Variants in DESI2 observed in about 807,000 individuals in gnomAD.
DESI2 encodes deubiquitinase DESI2.
DESI2 carries 10 observed loss-of-function variants against 24.1 expected under a neutral mutation model. The ratio of observed to expected loss-of-function variants is 0.41; its 90% CI spans 0.26 to 0.70. The LOEUF (loss-of-function observed/expected upper bound fraction) is 0.70. Among genes scored for constraint, DESI2 ranks in the 30% least tolerant of loss-of-function variants. The pLI is 0.29. For missense variants in DESI2, 122 were observed against 234.9 expected (o/e 0.52, Z 3.14); for synonymous variants, 71 against 87.7 (o/e 0.81, Z 1.06).
chr1:244,670,011 C>T (rs1352889974), intron 1 of DESI2, among the ~76,000 whole-genome samples: 4 of 150,888 alleles, frequency 2.7e-5, no homozygotes, highest in South Asian at 2.1e-4. Flanking sequence ...GGCTGGAGTG[C>T]GATGGCACAA....
Position 244,686,620 on chromosome 1 carries a change from A to G in DESI2, c.66A>G (p.Ser22=). ...AGTATTGGATGAACGAATATACCTC[A>G]TCCATTGGAATTGGAGTTTTTCATT... ...YDMYWMNEYT[S]SIGIGVFHSG... is the part of the protein sequence containing the mutation. Residue 22 remains serine, a synonymous_variant, in exon 2 of 5, where the codon TCA becomes TCG. Coordinates refer to ENST00000302550, the MANE Select transcript of DESI2 (RefSeq NM_016076.5). The G allele has an allele frequency of 6.2e-7, 1 of 1,608,724 alleles. No individual in the cohort carries two copies. Among genetic ancestry groups the G allele is most frequent in the Non-Finnish European group, 8.5e-7 (1 of 1,175,204 alleles).
At chr1:244,702,131 TTACCTCGC>T (rs1677488316) in intron 4 of DESI2, among the ~76,000 whole-genome samples, 1 of 152,238 alleles carries the variant, frequency 6.6e-6, no homozygotes, top group African/African-American at 2.4e-5. Context: ...TGTGTCATGG[TTACCTCGC>T]TACCTCCAAT....
At chr1:244,679,321 G>A (rs1676521010) in intron 1 of DESI2, among the ~76,000 whole-genome samples, 1 of 152,206 alleles carries the variant, frequency 6.6e-6, no homozygotes, top group African/African-American at 2.4e-5. Flanking sequence ...TGCATCTCTT[G>A]TAAGGAGGCG....
rs1026488253 is a variant in DESI2 at position 244,658,690 on chromosome 1, A to G, written c.42+5335A>G. ...GTAACTTAAATGGCATGAAAAGATC[A>G]TGTGATCTTCCTCTTTGTGCCAAAT... On this transcript the variant is annotated intron_variant, in intron 1 of 4. Coordinates refer to ENST00000302550, the MANE Select transcript of DESI2 (RefSeq NM_016076.5). Among the ~76,000 whole-genome samples the G allele has an allele frequency of 7.9e-5, 12 of 152,220 alleles. No homozygotes were observed. The East Asian group carries it at 1.9e-3, about 25-fold the overall frequency.
rs550691424 is a variant in DESI2, at chr1:244,693,690, C to G, written c.351+1670C>G. Among the ~76,000 whole-genome samples, 6 of 152,316 alleles carry G rather than the reference C, an allele frequency of 3.9e-5. 1 individual carries two copies. The South Asian group carries it at 1.2e-3, about 32-fold the overall frequency. On this transcript the variant is annotated intron_variant, in intron 4 of 4. Transcript: ENST00000302550. ...AAGTGATCCGCCCGCCTCAGCCTCC[C>G]AAAGTGCTGGGATTACAGGCGTGAG...
At chr1:244,656,003 T>C (rs1675635238) in intron 1 of DESI2, among the ~76,000 whole-genome samples, 1 of 152,372 alleles carries the variant, frequency 6.6e-6, no homozygotes, top group East Asian at 1.9e-4. Flanking sequence ...TCTGTTATAC[T>C]AATTTTTCTC....
intron 4 of DESI2, among the ~76,000 whole-genome samples, chr1:244,696,135 CAT>C (rs1362851345): frequency 6.6e-6 from 1 of 152,190 alleles, no homozygotes; most frequent in Non-Finnish European, 1.5e-5. Flanking sequence ...AACATAACCA[CAT>C]GATGTCATCA....
chr1:244,700,446 T>G (rs1417061135), intron 4 of DESI2, among the ~76,000 whole-genome samples: 1 of 152,196 alleles, frequency 6.6e-6, no homozygotes, highest in Non-Finnish European at 1.5e-5. Flanking sequence ...TCTTTTGATT[T>G]GTCCCTAGTA....
At chr1:244,680,129 C>G (rs1416574740) in intron 1 of DESI2, among the ~76,000 whole-genome samples, 3 of 150,100 alleles carry the variant, frequency 2.0e-5, no homozygotes, top group Non-Finnish European at 4.4e-5. Context: ...TTTGACTTTG[C>G]TAACACTGAT....
rs138858846 is a variant in DESI2 at position 244,654,606 on chromosome 1, G to C, written c.42+1251G>C. On this transcript the variant is annotated intron_variant, in intron 1 of 4. Coordinates refer to ENST00000302550, the MANE Select transcript of DESI2 (RefSeq NM_016076.5). ...ATGAGTTAACATGCTGAGAAAAGTGGAACAGGACAGAAAAAGTTGAAGAGG... is the reference window on the plus strand; with the variant it reads ...ATGAGTTAACATGCTGAGAAAAGTGCAACAGGACAGAAAAAGTTGAAGAGG... Among the ~76,000 whole-genome samples, 246 of 152,222 alleles carry C rather than the reference G, an allele frequency of 1.6e-3. 1 individual carries two copies. In the South Asian group the frequency reaches 0.022, roughly 13 times the overall value.
intron 1 of DESI2, among the ~76,000 whole-genome samples, chr1:244,667,182 C>T (rs772827949): frequency 1.2e-4 from 19 of 152,154 alleles, no homozygotes; most frequent in Non-Finnish European, 2.4e-4. Flanking sequence ...CTCATTTCAG[C>T]ATTAACCCAA....
chr1:244,695,726 C>A, intron 4 of DESI2, among the ~76,000 whole-genome samples: 1 of 152,098 alleles, frequency 6.6e-6, no homozygotes, highest in East Asian at 1.9e-4. Context: ...ATAATGAGCC[C>A]CTATATAACT....
intron 4 of DESI2, among the ~76,000 whole-genome samples, chr1:244,694,949 A>G (rs1398578074): frequency 1.3e-5 from 2 of 152,224 alleles, no homozygotes; most frequent in Non-Finnish European, 2.9e-5. Context: ...ATTGGGTGCT[A>G]AGTGGCTTAA....
intron 1 of DESI2, among the ~76,000 whole-genome samples, chr1:244,661,317 C>A (rs1358533009): frequency 6.6e-6 from 1 of 151,810 alleles, no homozygotes; most frequent in Admixed American, 6.6e-5. Flanking sequence ...CAGGGTTTAT[C>A]TATGTTGCAG....
intron 1 of DESI2, among the ~76,000 whole-genome samples, chr1:244,661,930 T>G (rs1404051829): frequency 6.6e-6 from 1 of 152,232 alleles, no homozygotes; most frequent in East Asian, 1.9e-4. Context: ...TACCCAGTAA[T>G]GGGATGGCTG....
intron 3 of DESI2, among the ~76,000 whole-genome samples, chr1:244,691,334 C>G (rs1436189662): frequency 6.6e-6 from 1 of 152,246 alleles, no homozygotes; most frequent in Non-Finnish European, 1.5e-5. Flanking sequence ...GGTGATCTGC[C>G]CACCTCGGCC....
chr1:244,653,197 G>A lies in DESI2; in HGVS notation c.-117G>A, dbSNP rs973468974. On this transcript the variant is annotated 5_prime_UTR_variant, in exon 1 of 5. Transcript: ENST00000302550. Reference sequence around the variant, plus strand: ...CTTCCGCCCCGGCTGCCGCGGGCCGGGCTGTACGCTTAGTGCCCGGCTCAG... The same window carrying A: ...CTTCCGCCCCGGCTGCCGCGGGCCGAGCTGTACGCTTAGTGCCCGGCTCAG... 3.5e-5 allele frequency: 39 copies of A among 1,099,420 alleles called. No homozygotes were observed. The highest frequency in any genetic ancestry group is 4.6e-5 in the Non-Finnish European group (38 of 822,466). 68.1% of individuals were successfully genotyped at this position (1,099,420 alleles called of 1,614,324 possible). A position where few individuals can be genotyped will look rare whatever the true frequency, so the allele number is the denominator to read the frequency against.
chr1:244,704,927 G>A (rs1677634565), intron 4 of DESI2, among the ~76,000 whole-genome samples: 1 of 152,146 alleles, frequency 6.6e-6, no homozygotes, highest in African/African-American at 2.4e-5. Context: ...CAAAGTGCTG[G>A]TATTACAGGT....
intron 1 of DESI2, among the ~76,000 whole-genome samples, chr1:244,671,727 T>C (rs1202487619): frequency 6.6e-6 from 1 of 152,268 alleles, no homozygotes; most frequent in Non-Finnish European, 1.5e-5. Flanking sequence ...CTTGTTTTGT[T>C]TGTCTTTTAT....
Sources: allele counts gnomAD v4.1 joint callset (sites outside exome capture counted in the v4.1 genomes callset), GRCh38; gene constraint gnomAD v4.1.1; transcripts MANE v1.5; gene names NCBI Gene and HGNC (gene_info 2026-07-23, HGNC 2026-07-21).